Variants in KANK1 observed in about 807,000 individuals in gnomAD.
KANK1 encodes the protein KN motif and ankyrin repeat domains 1.
KANK1 carries 109 observed loss-of-function variants against 106.2 expected under a neutral mutation model. That is an observed-to-expected ratio of 1.03 (90% CI 0.88 to 1.20). The LOEUF (loss-of-function observed/expected upper bound fraction) is 1.20, where lower values mean the gene tolerates loss of function less well. Among genes scored for constraint, KANK1 ranks in the 50% most tolerant of loss-of-function variants. KANK1 has a pLI of 0.00. For synonymous variants in KANK1, 873 were observed against 652.2 expected (o/e 1.34, Z -5.16); for missense variants, 2,399 against 1,710.7 (o/e 1.40, Z -7.10).
chr9:676,283 C>G (rs1295575193), intron 1 of KANK1, among the ~76,000 whole-genome samples: 4 of 152,032 alleles, frequency 2.6e-5, no homozygotes, highest in African/African-American at 4.8e-5. Flanking sequence ...GTCCGAATGC[C>G]TCTAATAATT....
chr9:656,762 C>G lies in KANK1; in HGVS notation c.-83-20128C>G, dbSNP rs1482858046. On this transcript the variant is annotated intron_variant, in intron 1 of 11. Coordinates refer to ENST00000382297, the MANE Select transcript of KANK1 (RefSeq NM_015158.5). Reference sequence around the variant, plus strand: ...AAAAAGCAGAGAATGTTCTGAGTCTCCTGTATTAAAAAGGGAAAAGCTTAA... The same window carrying G: ...AAAAAGCAGAGAATGTTCTGAGTCTGCTGTATTAAAAAGGGAAAAGCTTAA... 5.3e-5 allele frequency among the ~76,000 whole-genome samples: 8 copies of G among 152,192 alleles called. No individual in the cohort carries two copies. In the East Asian group the frequency reaches 1.5e-3, roughly 29 times the overall value.
chr9:560,528 C>G (rs1487838916), intron 1 of KANK1, among the ~76,000 whole-genome samples: 2 of 152,182 alleles, frequency 1.3e-5, no homozygotes, highest in Non-Finnish European at 2.9e-5. Context: ...AGAGGCACAG[C>G]CAGGAGCGAA....
intron 2 of KANK1, among the ~76,000 whole-genome samples, chr9:696,534 G>C (rs1020681970): frequency 1.3e-5 from 2 of 152,168 alleles, no homozygotes; most frequent in African/African-American, 4.8e-5. Flanking sequence ...ACAGATGGGA[G>C]AGTGTGGGGA....
intron 1 of KANK1, among the ~76,000 whole-genome samples, chr9:508,408 A>G (rs1000076230): frequency 6.6e-6 from 1 of 152,222 alleles, no homozygotes; most frequent in African/African-American, 2.4e-5. Flanking sequence ...AAGTGCTGGC[A>G]TTACAGGCGT....
intron 1 of KANK1, among the ~76,000 whole-genome samples, chr9:533,168 G>A (rs1437170461): frequency 6.6e-6 from 1 of 152,164 alleles, no homozygotes; most frequent in African/African-American, 2.4e-5. Context: ...GTTGAAAAAA[G>A]GAGATAATCA....
At chr9:602,535 G>A (rs1462052204) in intron 1 of KANK1, among the ~76,000 whole-genome samples, 2 of 151,734 alleles carry the variant, frequency 1.3e-5, no homozygotes, top group Non-Finnish European at 2.9e-5. Context: ...TGGGATTATA[G>A]GTGTGAGCTG....
At chr9:684,541 CTG>C (rs1818175828) in intron 2 of KANK1, 1 of 983,950 alleles carries the variant, frequency 1.0e-6, no homozygotes, top group Non-Finnish European at 1.2e-6. Flanking sequence ...TTTGAAAACT[CTG>C]TGCTCTGCTC....
At chr9:528,799 G>A (rs140274077) in intron 1 of KANK1, among the ~76,000 whole-genome samples, 87 of 151,588 alleles carry the variant, frequency 5.7e-4, no homozygotes, top group African/African-American at 2.1e-3. Context: ...AAGCTAATAT[G>A]TCTCAATTTT....
chr9:651,990 T>C (rs1420846415), intron 1 of KANK1, among the ~76,000 whole-genome samples: 1 of 152,200 alleles, frequency 6.6e-6, no homozygotes, highest in African/African-American at 2.4e-5. Flanking sequence ...GCAATAAATT[T>C]AGGAATGGAA....
intron 3 of KANK1, chr9:484,540 A>C (rs1474932751): frequency 3.3e-5 from 5 of 152,248 alleles, no homozygotes; most frequent in African/African-American, 9.6e-5. Flanking sequence ...TATTTAAATG[A>C]CATGGTTCAT....
At chr9:536,680 A>G (rs1194246204) in intron 1 of KANK1, among the ~76,000 whole-genome samples, 1 of 152,240 alleles carries the variant, frequency 6.6e-6, no homozygotes. Context: ...GTCCATCTAG[A>G]TAATCCAGGA....
At chr9:511,138 T>G (rs1310334378) in intron 1 of KANK1, among the ~76,000 whole-genome samples, 4 of 152,190 alleles carry the variant, frequency 2.6e-5, no homozygotes, top group African/African-American at 9.6e-5. Context: ...AAATTAATGC[T>G]GAGTAGAGAG....
chr9:618,679 AATG>A (rs1217401545), intron 1 of KANK1, among the ~76,000 whole-genome samples: 1 of 152,132 alleles, frequency 6.6e-6, no homozygotes, highest in East Asian at 1.9e-4. Flanking sequence ...TATTTTTTTA[AATG>A]ATGATGAATG....
At chr9:741,511 T>A (rs1262407314) in intron 9 of KANK1, among the ~76,000 whole-genome samples, 1 of 133,674 alleles carries the variant, frequency 7.5e-6, no homozygotes, top group East Asian at 2.3e-4. Flanking sequence ...TTTTTGAGAC[T>A]AAGTCTCATT....
chr9:532,970 T>TG (rs113670202), intron 1 of KANK1, among the ~76,000 whole-genome samples: 211 of 152,178 alleles, frequency 1.4e-3, no homozygotes, highest in African/African-American at 5.0e-3. Flanking sequence ...CCGACGATAA[T>TG]GGGGCATCTC....
intron 2 of KANK1, among the ~76,000 whole-genome samples, chr9:690,150 A>G (rs1819552655): frequency 6.7e-6 from 1 of 149,452 alleles, no homozygotes; most frequent in Admixed American, 6.6e-5. Flanking sequence ...AAAAAAAAAA[A>G]AAAAAACTAG....
intron 1 of KANK1, among the ~76,000 whole-genome samples, chr9:645,680 G>T (rs1316684370): frequency 6.7e-6 from 1 of 150,066 alleles, no homozygotes; most frequent in African/African-American, 2.5e-5. Context: ...TCAGGAGTTC[G>T]AAACCAGCCT....
chr9:518,367 G>A (rs1367874407), intron 1 of KANK1, among the ~76,000 whole-genome samples: 2 of 151,580 alleles, frequency 1.3e-5, no homozygotes, highest in South Asian at 2.1e-4. Context: ...GTGTCATCCC[G>A]AGCCTCCCCT....
chr9:511,004 A>G (rs969909648), intron 1 of KANK1, among the ~76,000 whole-genome samples: 2 of 152,194 alleles, frequency 1.3e-5, no homozygotes, highest in African/African-American at 4.8e-5. Context: ...GAAATCAGAG[A>G]CTAGAAAGCT....
Sources: gnomAD v4.1 joint callset for allele counts (sites outside exome capture counted in the v4.1 genomes callset) on GRCh38, gnomAD v4.1.1 for gene constraint, MANE v1.5 for transcripts, NCBI Gene and HGNC (gene_info 2026-07-23, HGNC 2026-07-21) for gene names.